SLC12A9: variants seen among roughly 807,000 people sequenced by gnomAD.
The protein encoded by SLC12A9 is solute carrier family 12 member 9.
A neutral mutation model predicts 66.0 loss-of-function variants in SLC12A9; 55 were observed. That is an observed-to-expected ratio of 0.83 (90% confidence interval 0.67 to 1.04). The LOEUF (loss-of-function observed/expected upper bound fraction) is 1.04, where lower values mean the gene tolerates loss of function less well. Ranked by LOEUF, SLC12A9 falls within the 50% of genes least tolerant of loss-of-function variation. The probability of loss-of-function intolerance (pLI) is 0.00; values close to 1 mark genes in which losing one functional copy is unlikely to be tolerated. For missense variants in SLC12A9, 1,061 were observed against 1,241.9 expected, an observed-to-expected ratio of 0.85 and a Z score of 2.19; for synonymous variants, 577 against 569.0, an observed-to-expected ratio of 1.01 and a Z score of -0.20.
In SLC12A9 at chr7:100,854,647, TGC is replaced by T. The variant is rs773624178; in HGVS notation, c.210_211del (p.Gln71GlyfsTer57). ...TTCGTGGTGGGTCATGCTGGGCTAC[TGC>T]AGGCCCTGGCCATGCTGCTGGTTGC... On this transcript the variant is annotated frameshift_variant, in exon 3 of 14. Coordinates refer to ENST00000354161, the MANE Select transcript of SLC12A9 (RefSeq NM_020246.4). LOFTEE classifies it high-confidence loss of function. 3 of 1,614,096 alleles carry T rather than the reference TGC, an allele frequency of 1.9e-6. No individual in the cohort carries two copies. The highest frequency in any genetic ancestry group is 2.5e-6 in the Non-Finnish European group (3 of 1,179,998).
chr7:100,859,286 G>A (rs1419731177), intron 7 of SLC12A9, 125 bp downstream of exon 7: 7 of 877,626 alleles, frequency 8.0e-6, no homozygotes, highest in African/African-American at 5.0e-5. Flanking sequence ...GGTGGCTACC[G>A]GCGATTGACA....
chr7:100,826,953 G>A (rs754562101), exon 1 of SLC12A9: 3 of 1,510,746 alleles, frequency 2.0e-6, no homozygotes, highest in Non-Finnish European at 2.7e-6. Flanking sequence ...GTGACGGGGT[G>A]CGCCCCCCCC....
chr7:100,857,483 C>G (rs1236990096), intron 5 of SLC12A9: 2 of 343,516 alleles, frequency 5.8e-6, no homozygotes, highest in African/African-American at 2.1e-5. Context: ...CAGGATCACC[C>G]AGGAGTGGAG....
chr7:100,833,039 G>A (rs867102679), intron 1 of SLC12A9, among the ~76,000 whole-genome samples: 2 of 152,092 alleles, frequency 1.3e-5, no homozygotes, highest in East Asian at 3.9e-4. Context: ...GCCTCCCAAA[G>A]TCCTATGATT....
chr7:100,831,006 A>C (rs1005096295), intron 1 of SLC12A9, among the ~76,000 whole-genome samples: 2 of 151,944 alleles, frequency 1.3e-5, no homozygotes, highest in African/African-American at 2.4e-5. Context: ...GACCAAACCA[A>C]ACTCAGCCCT....
In SLC12A9 at chr7:100,866,217, GGGCACTGCTGAGCCAACTGA is replaced by G; in HGVS notation, c.2360_2379del (p.Ala787AspfsTer4). 1 of 1,609,678 alleles carries G rather than the reference GGGCACTGCTGAGCCAACTGA, an allele frequency of 6.2e-7. No individual in the cohort carries two copies. Among genetic ancestry groups the G allele is most frequent in the Non-Finnish European group, 8.5e-7 (1 of 1,178,656 alleles). ...CCTGGGGCGGCCGAGGGGCGGCTGCGGGCACTGCTGAGCCAACTGAGGATCCGGGCTGAGGTGCAGGAGGT... is the reference window on the plus strand; with the variant it reads ...CCTGGGGCGGCCGAGGGGCGGCTGCGGGATCCGGGCTGAGGTGCAGGAGGT... On this transcript the variant is annotated frameshift_variant, in exon 14 of 14. Transcript: ENST00000354161. LOFTEE classifies it high-confidence loss of function. This position sits in a 1 kb window ranked among gnomAD's most constrained non-coding sequence, Gnocchi z 7.3.
chr7:100,847,805 G>C (rs1813950709), upstream of SLC12A9, among the ~76,000 whole-genome samples: 1 of 152,016 alleles, frequency 6.6e-6, no homozygotes, highest in Admixed American at 6.6e-5. Context: ...TGGTAGTAGA[G>C]CCGGGTGCCA....
At chr7:100,838,897 A>G (rs572808345) in intron 1 of SLC12A9, among the ~76,000 whole-genome samples, 1 of 152,304 alleles carries the variant, frequency 6.6e-6, no homozygotes, top group South Asian at 2.1e-4. Context: ...ATAGAAAGGC[A>G]CTGTGAAAAT....
intron 9 of SLC12A9, chr7:100,860,473 C>T (rs538095012): frequency 6.4e-5 from 35 of 544,842 alleles, no homozygotes; most frequent in Admixed American, 1.1e-4. Context: ...TTGGGGTACA[C>T]GGGCATTGTG....
In SLC12A9 at chr7:100,861,285, C is replaced by G. The variant is rs780371659; in HGVS notation, c.1343+23C>G. The G allele has an allele frequency of 6.2e-7, 1 of 1,614,034 alleles. No homozygotes were observed. Among genetic ancestry groups the G allele is most frequent in the Admixed American group, 1.7e-5 (1 of 60,024 alleles). ...CCGGTGAGAGACTCAGATCTGTGTCCCCAGAGAGAAGAAGGGAGGACTCGG... is the reference window on the plus strand; with the variant it reads ...CCGGTGAGAGACTCAGATCTGTGTCGCCAGAGAGAAGAAGGGAGGACTCGG... On this transcript the variant is annotated intron_variant, in intron 10 of 13. Transcript: ENST00000354161. The surrounding 1 kb of genome is among the most constrained non-coding windows in gnomAD (Gnocchi z 5.3).
At chr7:100,865,217 C>G (rs957408691) in intron 13 of SLC12A9, 167 of 1,526,054 alleles carry the variant, frequency 1.1e-4, no homozygotes, top group Admixed American at 2.9e-4. Context: ...CTCAGCTTCC[C>G]AAGATGCTGC....
upstream of SLC12A9, among the ~76,000 whole-genome samples, chr7:100,848,885 CA>C (rs1055822006): frequency 1.5e-5 from 2 of 135,110 alleles, no homozygotes; most frequent in Non-Finnish European, 3.2e-5. Flanking sequence ...GACTCCATCT[CA>C]AAAAAAAGGA....
chr7:100,834,913 C>A (rs981472983), intron 1 of SLC12A9, among the ~76,000 whole-genome samples: 17 of 152,114 alleles, frequency 1.1e-4, no homozygotes, highest in Non-Finnish European at 2.1e-4. Flanking sequence ...CGCCTGTAAT[C>A]CCAACTATAC....
At chr7:100,839,966 G>T (rs921246002) in intron 1 of SLC12A9, among the ~76,000 whole-genome samples, 2 of 147,908 alleles carry the variant, frequency 1.4e-5, no homozygotes, top group Non-Finnish European at 3.0e-5. Flanking sequence ...AAAAAAAAAA[G>T]AAACTTGCCC....
At chr7:100,833,207 G>A (rs1813575688) in intron 1 of SLC12A9, among the ~76,000 whole-genome samples, 2 of 151,974 alleles carry the variant, frequency 1.3e-5, no homozygotes, top group South Asian at 2.1e-4. Context: ...AAAAAGGCTG[G>A]GCGCAGTGGC....
At position 100,866,470 on chromosome 7, in the gene SLC12A9, C is replaced by T; in HGVS notation, c.2610C>T (p.Phe870=). Residue 870 remains phenylalanine, a synonymous_variant, in exon 14 of 14, where the codon TTC becomes TTT. Transcript: ENST00000354161. The surrounding 1 kb of genome is among the most constrained non-coding windows in gnomAD (Gnocchi z 7.3). ...DAEGPITALT[F]LYLPRPPADP... ...AGGGCCCCATCACAGCCCTCACCTT[C>T]CTGTACTTGCCTCGGCCGCCAGCCG... 6.4e-7 allele frequency: 1 copy of T among 1,551,512 alleles called. No individual in the cohort carries two copies. The highest frequency in any genetic ancestry group is 8.7e-7 in the Non-Finnish European group (1 of 1,148,202).
At chr7:100,862,609 T>G in intron 12 of SLC12A9, 72 bp from the exon 13 acceptor site, 1 of 1,576,840 alleles carries the variant, frequency 6.3e-7, no homozygotes, top group South Asian at 1.1e-5. Flanking sequence ...CAGGCCCGTC[T>G]GTGATTTGGA....
At chr7:100,834,767 G>C (rs1357338676) in intron 1 of SLC12A9, among the ~76,000 whole-genome samples, 3 of 152,126 alleles carry the variant, frequency 2.0e-5, no homozygotes, top group African/African-American at 7.2e-5. Context: ...CAGCTGTTCG[G>C]GGGGCTGAGG....
At chr7:100,839,965 A>G (rs1401018527) in intron 1 of SLC12A9, among the ~76,000 whole-genome samples, 3 of 151,786 alleles carry the variant, frequency 2.0e-5, no homozygotes, top group African/African-American at 7.3e-5. Context: ...AAAAAAAAAA[A>G]GAAACTTGCC....
Sources: gnomAD v4.1 joint callset for allele counts (sites outside exome capture counted in the v4.1 genomes callset) on GRCh38, gnomAD v4.1.1 for gene constraint, Gnocchi (gnomAD v3.1) non-coding constraint, MANE v1.5 for transcripts, NCBI Gene and HGNC (gene_info 2026-07-23, HGNC 2026-07-21) for gene names.